PASK: variants seen among roughly 807,000 people sequenced by gnomAD.
The protein encoded by PASK is PAS domain-containing serine/threonine-protein kinase.
Under a neutral mutation model 121.0 loss-of-function variants are expected in PASK, and 110 were observed. The ratio of observed to expected loss-of-function variants is 0.91; its 90% confidence interval spans 0.78 to 1.06. PASK has a LOEUF of 1.06. Ranked by LOEUF, PASK falls within the 50% of genes least tolerant of loss-of-function variation. The pLI is 0.00. For synonymous variants in PASK, 686 were observed against 717.8 expected, an observed-to-expected ratio of 0.96 and a Z score of 0.71; for missense variants, 1,643 against 1,702.3, an observed-to-expected ratio of 0.97 and a Z score of 0.61.
chr2:241,126,792 C>T lies in PASK; in HGVS notation c.2123G>A (p.Cys708Tyr), dbSNP rs1194794495. 2 of 1,613,902 alleles carry T rather than the reference C, an allele frequency of 1.2e-6. No homozygotes were observed. The highest frequency in any genetic ancestry group is 1.7e-6 in the Non-Finnish European group (2 of 1,180,018). ...ATAGCAGGCTGAGGAGCTGCCCGTG[C>T]AGCCACCGCACAGGTCTCTGCCTCC... ...DLGGRDLCGG[C>Y]TGSSSACYAL... Residue 708 changes from cysteine (C) to tyrosine (Y), a missense_variant, in exon 10 of 18, where the codon TGC becomes TAC. Cys to Tyr is a radical substitution (Grantham distance 194, BLOSUM62 -2). Around this residue, in one of 3 missense-constraint regions of PASK, gnomAD observed 1,176 missense variants for 1,162.2 expected, o/e 1.01. Transcript: ENST00000234040.
At chr2:241,146,330 C>T (rs2066952572) in intron 1 of PASK, among the ~76,000 whole-genome samples, 1 of 152,100 alleles carries the variant, frequency 6.6e-6, no homozygotes, top group South Asian at 2.1e-4. Context: ...TATATGGATA[C>T]AGCACTTTTC....
chr2:241,150,078 C>T, upstream of PASK: 1 of 1,281,954 alleles, frequency 7.8e-7, no homozygotes, highest in Non-Finnish European at 9.9e-7. Context: ...TGGCCCGCAC[C>T]TTGCAGCCAC....
At position 241,132,981 on chromosome 2, in the gene PASK, A is replaced by G. The variant is rs1360170075; in HGVS notation, c.1356T>C (p.Asp452=). 3 of 1,611,340 alleles carry G rather than the reference A, an allele frequency of 1.9e-6. No homozygotes were observed. The Admixed American group carries it at 5.0e-5, about 27-fold the overall frequency. Residue 452 remains aspartate (D), a synonymous_variant, in exon 9 of 18, where the codon GAT becomes GAC. Transcript: ENST00000234040. ...GGCTTTCCATCAGCTTCCGGATCTC[A>G]TCTCGGGGCACAACGTGGCCACCAG... ...VLAGGHVVPR[D]EIRKLMESQD...
chr2:241,143,986 T>G (rs1450629827), intron 1 of PASK, among the ~76,000 whole-genome samples: 1 of 152,244 alleles, frequency 6.6e-6, no homozygotes, highest in Non-Finnish European at 1.5e-5. Context: ...CCGAGTTCCC[T>G]CTCATGGTGA....
rs1240839176 is a variant in PASK, at chr2:241,112,070, C to G, written c.3533+170G>C. ...TATATCCATCGCCCAGTGCCTTTGC[C>G]CAATATGACCTTGCCTGCCTGCCCA... On this transcript the variant is annotated intron_variant, in intron 15 of 17. Coordinates refer to ENST00000234040, the MANE Select transcript of PASK (RefSeq NM_015148.4). This position sits in a 1 kb window ranked among gnomAD's most constrained non-coding sequence, Gnocchi z 5.2. 6.6e-6 allele frequency among the ~76,000 whole-genome samples: 1 copy of G among 152,014 alleles called. No homozygotes were observed. The highest frequency in any genetic ancestry group is 1.5e-5 in the Non-Finnish European group (1 of 68,018).
chr2:241,144,775 G>C (rs1358967784), intron 1 of PASK, among the ~76,000 whole-genome samples: 4 of 152,186 alleles, frequency 2.6e-5, no homozygotes, highest in African/African-American at 9.7e-5. Flanking sequence ...CTTCCAATAT[G>C]GAACTCCAAG....
rs2065896661 is a variant in PASK at position 241,126,967 on chromosome 2, C to T, written c.1948G>A (p.Val650Met). ...TPTLDEPWLG[V>M]ENDREELQTC... ...TGCAGCTCTTCTCGGTCGTTTTCCA[C>T]TCCCAGCCACGGCTCATCTAGAGTA... is the stretch of plus-strand genomic sequence containing the variant. The change falls in exon 10 of 18, where the codon GTG (valine) becomes ATG (methionine). Residue 650 changes from valine to methionine, a missense_variant. By Grantham distance (21) the Val-to-Met change is conservative. Coordinates refer to ENST00000234040, the MANE Select transcript of PASK (RefSeq NM_015148.4). 2 of 1,614,280 alleles carry T rather than the reference C, an allele frequency of 1.2e-6. No individual in the cohort carries two copies. Among genetic ancestry groups the T allele is most frequent in the Non-Finnish European group, 8.5e-7 (1 of 1,180,054 alleles).
At chr2:241,116,883 C>T (rs1027257615) in intron 12 of PASK, among the ~76,000 whole-genome samples, 1 of 152,112 alleles carries the variant, frequency 6.6e-6, no homozygotes, top group East Asian at 1.9e-4. Context: ...CACCAAGGAA[C>T]GATGAGTGCC....
rs1437620589 is a variant in PASK, at chr2:241,112,138, CAA to C, written c.3533+100_3533+101del. 2 of 899,330 alleles carry C rather than the reference CAA, an allele frequency of 2.2e-6. No individual in the cohort carries two copies. The highest frequency in any genetic ancestry group is 2.5e-5 in the East Asian group (1 of 40,748). The allele number at this position is 899,330 out of a possible 1,614,324, so 55.7% of individuals were successfully genotyped here. ...CACCCTGACCACTCAACACTCATCACAAAGAGGCACAAAGGAAGCCATTTTCC... is the reference window on the plus strand; with the variant it reads ...CACCCTGACCACTCAACACTCATCACAGAGGCACAAAGGAAGCCATTTTCC... On this transcript the variant is annotated intron_variant, in intron 15 of 17. Transcript: ENST00000234040. The surrounding 1 kb of genome is among the most constrained non-coding windows in gnomAD (Gnocchi z 5.2).
intron 2 of PASK, among the ~76,000 whole-genome samples, chr2:241,141,505 C>T (rs539280813): frequency 2.4e-4 from 37 of 152,296 alleles, no homozygotes; most frequent in African/African-American, 7.9e-4. Flanking sequence ...GCCTCACCCT[C>T]CTCCCACACC....
At position 241,127,026 on chromosome 2, in the gene PASK, G is replaced by T; in HGVS notation, c.1889C>A (p.Pro630His). ...AAACGAGAGGCCTGCCATCCCAGAG[G>T]GGCTGGGGGCCAAGTCCTGGCTTCG... Reference protein sequence around the residue: ...WWRSQDLAPSPSGMAGLSFGT... With the variant: ...WWRSQDLAPSHSGMAGLSFGT... The change falls in exon 10 of 18, where the codon CCC becomes CAC. Residue 630 changes from proline (P) to histidine (H), a missense_variant. By Grantham distance (77) the Pro-to-His change is moderately conservative. Coordinates refer to ENST00000234040, the MANE Select transcript of PASK (RefSeq NM_015148.4). The T allele has an allele frequency of 6.2e-7, 1 of 1,614,192 alleles. No homozygotes were observed. Among genetic ancestry groups the T allele is most frequent in the Non-Finnish European group, 8.5e-7 (1 of 1,180,034 alleles).
chr2:241,127,515 A>C, intron 9 of PASK, 64 bp from the exon 10 acceptor site: 1 of 1,283,486 alleles, frequency 7.8e-7, no homozygotes, highest in Non-Finnish European at 1.1e-6. Context: ...GAGAGATTGC[A>C]CCGATTCTCC....
At position 241,118,887 on chromosome 2, in the gene PASK, C is replaced by A. The variant is rs1198893537; in HGVS notation, c.3073-3474G>T. 5.9e-6 allele frequency: 6 copies of A among 1,011,302 alleles called. No individual in the cohort carries two copies. The Admixed American group carries it at 3.1e-4, about 52-fold the overall frequency. 62.6% of individuals were successfully genotyped at this position (1,011,302 alleles called of 1,614,324 possible). A position where few individuals can be genotyped will look rare whatever the true frequency, so the allele number is the denominator to read the frequency against. On this transcript the variant is annotated intron_variant, in intron 12 of 17. Transcript: ENST00000234040. ...GGGGCACTTCCCGCAGCTCCTGGAC[C>A]CGCAGCAGCTGGCTGCCGAGATCTT...
chr2:241,113,542 T>C lies in PASK; in HGVS notation c.3334-1103A>G, dbSNP rs188205626. ...ACATAGGTACACACATAAATACACATATACAAGCATGCATGCATACATACT... is the reference window on the plus strand; with the variant it reads ...ACATAGGTACACACATAAATACACACATACAAGCATGCATGCATACATACT... On this transcript the variant is annotated intron_variant, in intron 14 of 17. Coordinates refer to ENST00000234040, the MANE Select transcript of PASK (RefSeq NM_015148.4). 186 of 180,648 alleles carry C rather than the reference T, an allele frequency of 1.0e-3. 1 individual carries two copies. Among genetic ancestry groups the C allele is most frequent in the African/African-American group, 4.4e-3 (183 of 42,028 alleles). 11.2% of individuals were successfully genotyped at this position (180,648 alleles called of 1,614,324 possible). A position where few individuals can be genotyped will look rare whatever the true frequency, so the allele number is the denominator to read the frequency against.
rs2066780197 is a variant in PASK at position 241,143,003 on chromosome 2, T to C, written c.30A>G (p.Glu10=). Residue 10 remains glutamate (E), a synonymous_variant, in exon 2 of 18, where the codon GAA becomes GAG. Transcript: ENST00000234040. ...TCTGGGAAAGGCATCTCTGGTCCTCTTCAAAGGCTGTTAAGCCCCCGTCCT... is the reference window on the plus strand; with the variant it reads ...TCTGGGAAAGGCATCTCTGGTCCTCCTCAAAGGCTGTTAAGCCCCCGTCCT... The part of the protein sequence containing the change: MEDGGLTAF[E]EDQRCLSQSL... The C allele has an allele frequency of 1.2e-6, 2 of 1,614,006 alleles. No homozygotes were observed. The highest frequency in any genetic ancestry group is 1.3e-5 in the African/African-American group (1 of 75,032).
At position 241,126,643 on chromosome 2, in the gene PASK, T is replaced by C. The variant is rs762912238; in HGVS notation, c.2272A>G (p.Asn758Asp). 11 of 1,614,230 alleles carry C rather than the reference T, an allele frequency of 6.8e-6. No homozygotes were observed. The highest frequency in any genetic ancestry group is 1.6e-4 in the Middle Eastern group (1 of 6,062). ...AGTTCAGACGTAGCACAGGAACAAT[T>C]TGATGACGTTTGGTCTGTCTGGTCA... Reference protein sequence around the residue: ...FSDQTDQTSSNCSCATSELRE... With the variant: ...FSDQTDQTSSDCSCATSELRE... The change falls in exon 10 of 18, where the codon AAT (asparagine) becomes GAT (aspartate). Residue 758 changes from asparagine (N) to aspartate (D), a missense_variant. Physicochemically the swap from Asn to Asp is conservative, Grantham distance 23. Transcript: ENST00000234040.
At chr2:241,149,689 C>T (rs1174092963), upstream of PASK, 11 of 1,550,030 alleles carry the variant, frequency 7.1e-6, no homozygotes, top group South Asian at 1.2e-5. Context: ...CGGTTTCCTC[C>T]CGACTCGCGA....
chr2:241,127,084 G>T lies in PASK; in HGVS notation c.1831C>A (p.Pro611Thr). 1 of 1,614,102 alleles carries T rather than the reference G, an allele frequency of 6.2e-7. No individual in the cohort carries two copies. Among genetic ancestry groups the T allele is most frequent in the Non-Finnish European group, 8.5e-7 (1 of 1,180,030 alleles). Residue 611 changes from proline to threonine, a missense_variant, in exon 10 of 18, where the codon CCT becomes ACT. Coordinates refer to ENST00000234040, the MANE Select transcript of PASK (RefSeq NM_015148.4). ...LAGGSLLMHC[P>T]CYGSEWGLWW... ...AAGCCCCATTCACTCCCATAGCAAG[G>T]GCAGTGCATCAGGAGGCTGCCCCCC...
chr2:241,144,571 C>A (rs1205086362), intron 1 of PASK, among the ~76,000 whole-genome samples: 1 of 152,226 alleles, frequency 6.6e-6, no homozygotes, highest in African/African-American at 2.4e-5. Context: ...GTGCCCACTT[C>A]TAAGACACAC....
Sources: gnomAD v4.1 joint callset for allele counts (sites outside exome capture counted in the v4.1 genomes callset) on GRCh38, gnomAD v4.1.1 for gene constraint, gnomAD v4.1.1 regional missense constraint, Gnocchi (gnomAD v3.1) non-coding constraint, MANE v1.5 for transcripts, NCBI Gene and HGNC (gene_info 2026-07-23, HGNC 2026-07-21) for gene names.